The following FRMD4A variants were observed in gnomAD, a reference collection of about 807,000 sequenced individuals.
The protein encoded by FRMD4A is FERM domain-containing protein 4A.
In FRMD4A, 29 loss-of-function variants were observed where a neutral mutation model predicts 129.1. The ratio of observed to expected loss-of-function variants is 0.22; its 90% CI spans 0.17 to 0.31. The LOEUF (loss-of-function observed/expected upper bound fraction) is 0.31, where lower values mean the gene tolerates loss of function less well. Ranked by LOEUF, FRMD4A falls within the 10% of genes least tolerant of loss-of-function variation. The pLI, the probability that FRMD4A is intolerant of heterozygous loss-of-function variation, is 1.00. For missense variants in FRMD4A, 1,272 were observed against 1,375.8 expected (o/e 0.92, Z 1.19); for synonymous variants, 634 against 571.6 (o/e 1.11, Z -1.56).
Position 13,656,690 on chromosome 10 carries a change from A to C in FRMD4A, c.2899T>G (p.Phe967Val). Residue 967 changes from phenylalanine (F) to valine (V), a missense_variant, in exon 22 of 25, where the codon TTC becomes GTC. Coordinates refer to ENST00000357447, the MANE Select transcript of FRMD4A (RefSeq NM_018027.5). ...CTGGTGACCCTGCTGTGCGCCACGA[A>C]GGTGCTCTGGGAGGAGGTGCTGTAC... is the stretch of plus-strand genomic sequence containing the variant. ...SQYSTSSQST[F>V]VAHSRVTRMP... The C allele has an allele frequency of 6.4e-7, 1 of 1,564,974 alleles. No individual in the cohort carries two copies. Among genetic ancestry groups the C allele is most frequent in the Non-Finnish European group, 8.7e-7 (1 of 1,155,898 alleles).
At chr10:13,701,259 TC>T in intron 14 of FRMD4A, 80 bp downstream of exon 14, 1 of 1,351,992 alleles carries the variant, frequency 7.4e-7, no homozygotes, top group Non-Finnish European at 1.0e-6. Flanking sequence ...ACATGGCGCC[TC>T]CCCCACCCAT....
intron 2 of FRMD4A, among the ~76,000 whole-genome samples, chr10:14,279,521 T>G (rs1030824421): frequency 4.6e-5 from 7 of 152,096 alleles, no homozygotes; most frequent in Non-Finnish European, 7.4e-5. Context: ...TTTTTCAACT[T>G]TCATAAAACT....
At chr10:13,659,985 C>T (rs2082505048) in intron 20 of FRMD4A, among the ~76,000 whole-genome samples, 1 of 152,194 alleles carries the variant, frequency 6.6e-6, no homozygotes. Flanking sequence ...AACCACTCTG[C>T]ATTTGCTCCG....
rs10508466 is a variant in FRMD4A, at chr10:13,740,517, G to A, written c.609C>T (p.Ile203=). Reference sequence around the variant, plus strand: ...GCTGGGAAGGGGCCACTTACTTTACGATTGCTTGACCTCTTGTCTGACCGT... The same window carrying A: ...GCTGGGAAGGGGCCACTTACTTTACAATTGCTTGACCTCTTGTCTGACCGT... ...KLNGQTRGQA[I]VNYMSIVESL... Residue 203 remains isoleucine, a synonymous_variant, in exon 10 of 25, where the codon ATC becomes ATT. Coordinates refer to ENST00000357447, the MANE Select transcript of FRMD4A (RefSeq NM_018027.5). The A allele has an allele frequency of 0.012, 19,407 of 1,568,952 alleles. 195 individuals are homozygous for A. Among genetic ancestry groups the A allele is most frequent in the Non-Finnish European group, 0.013 (15,369 of 1,140,842 alleles).
chr10:14,038,040 A>AGGCC (rs967739953), intron 2 of FRMD4A, among the ~76,000 whole-genome samples: 2 of 152,196 alleles, frequency 1.3e-5, no homozygotes, highest in African/African-American at 4.8e-5. Flanking sequence ...AGGCAATTTA[A>AGGCC]GGCCGGTCGC....
chr10:14,275,832 A>C (rs1325114068), intron 2 of FRMD4A, among the ~76,000 whole-genome samples: 1 of 152,182 alleles, frequency 6.6e-6, no homozygotes, highest in Non-Finnish European at 1.5e-5. Context: ...TGAGTCCAGG[A>C]GTTCAAGACT....
Position 13,645,171 on chromosome 10 carries a change from T to C in FRMD4A, c.*1867A>G, listed in dbSNP as rs9473. 90,045 of 151,884 alleles carry C rather than the reference T, an allele frequency of 0.59. 26,939 individuals carry two copies. Among genetic ancestry groups the C allele is most frequent in the East Asian group, 0.85 (4,361 of 5,150 alleles). 9.4% of individuals were successfully genotyped at this position (151,884 alleles called of 1,614,324 possible). A position where few individuals can be genotyped will look rare whatever the true frequency, so the allele number is the denominator to read the frequency against. On this transcript the variant is annotated 3_prime_UTR_variant, in exon 25 of 25. Transcript: ENST00000357447. The stretch of plus-strand genomic sequence containing the variant: ...TCATTTTAGTGTCCATCCTTACCCT[T>C]CTGGTCTGGTAGAGCCTATGGTTAT...
chr10:14,197,714 C>T (rs1326185380), intron 2 of FRMD4A, among the ~76,000 whole-genome samples: 1 of 152,200 alleles, frequency 6.6e-6, no homozygotes, highest in East Asian at 1.9e-4. Flanking sequence ...TTATTTCATT[C>T]AATTGTCTTG....
chr10:13,866,198 T>C (rs1352315322), intron 2 of FRMD4A: 11 of 453,284 alleles, frequency 2.4e-5, no homozygotes, highest in Non-Finnish European at 2.9e-5. Context: ...TGCTATCCTT[T>C]AAAACTTAGT....
At chr10:13,685,280 T>C in intron 15 of FRMD4A, 14 of 985,370 alleles carry the variant, frequency 1.4e-5, no homozygotes, top group Non-Finnish European at 1.7e-5. Context: ...GCTGGGAGTC[T>C]CTGGAAGAGC....
chr10:13,743,801 A>C (rs1404575587), intron 9 of FRMD4A, among the ~76,000 whole-genome samples: 1 of 152,064 alleles, frequency 6.6e-6, no homozygotes, highest in Non-Finnish European at 1.5e-5. Context: ...CTCAATCCTG[A>C]CCGAGAACCT....
Position 13,714,022 on chromosome 10 carries a change from A to AATATATATTT in FRMD4A, c.760-6910_760-6909insAAATATATAT, listed in dbSNP as rs1491419875. Among the ~76,000 whole-genome samples, 21 of 19,546 alleles carry AATATATATTT rather than the reference A, an allele frequency of 1.1e-3. 6 individuals are homozygous for AATATATATTT. Among genetic ancestry groups the AATATATATTT allele is most frequent in the South Asian group, 3.3e-3 (2 of 608 alleles). The allele number at this position is 19,546 out of a possible 152,430, so 12.8% of individuals were successfully genotyped here. On this transcript the variant is annotated intron_variant, in intron 12 of 24. Transcript: ENST00000357447. ...TACATATATAATATACATATATAAA[A>AATATATATTT]TATACATATATATATATATATATAT... is the stretch of plus-strand genomic sequence containing the variant.
At chr10:13,651,408 T>TGAATGTAGATAGAACATGGTGAGTCTA (rs2081569102) in intron 24 of FRMD4A, 1 of 153,718 alleles carries the variant, frequency 6.5e-6, no homozygotes, top group African/African-American at 2.4e-5. Context: ...TACAAATCTT[T>TGAATGTAGATAGAACATGGTGAGTCTA]GAATGTAGAT....
At position 13,961,439 on chromosome 10, in the gene FRMD4A, C is replaced by T. The variant is rs528826807; in HGVS notation, c.46-102527G>A. 8.5e-5 allele frequency among the ~76,000 whole-genome samples: 13 copies of T among 152,260 alleles called. No homozygotes were observed. In the East Asian group the frequency reaches 2.3e-3, roughly 27 times the overall value. On this transcript the variant is annotated intron_variant, in intron 2 of 24. Coordinates refer to ENST00000357447, the MANE Select transcript of FRMD4A (RefSeq NM_018027.5). The stretch of plus-strand genomic sequence containing the variant: ...GTATGACAGTGCTTAGTAGAGAGGG[C>T]CAGTGGCCAAGCTGTATAGGCAACA...
In FRMD4A at chr10:13,753,952, T is replaced by C. The variant is rs2130665968; in HGVS notation, c.465-6133A>G. Among the ~76,000 whole-genome samples the C allele has an allele frequency of 1.3e-5, 2 of 152,352 alleles. 1 individual carries two copies. Among genetic ancestry groups the C allele is most frequent in the South Asian group, 4.1e-4 (2 of 4,822 alleles). The stretch of plus-strand genomic sequence containing the variant: ...AAATGAAGTTTTATGAATTTCTAAT[T>C]TATGTTAGGTATAAACATGTAAAAT... On this transcript the variant is annotated intron_variant, in intron 8 of 24. Transcript: ENST00000357447.
At chr10:14,240,697 T>C (rs1213167451) in intron 2 of FRMD4A, among the ~76,000 whole-genome samples, 1 of 152,172 alleles carries the variant, frequency 6.6e-6, no homozygotes, top group African/African-American at 2.4e-5. Context: ...TCGGAAGCTA[T>C]TGCACCTTCC....
At chr10:14,009,897 T>C in intron 2 of FRMD4A, among the ~76,000 whole-genome samples, 1 of 152,176 alleles carries the variant, frequency 6.6e-6, no homozygotes, top group East Asian at 1.9e-4. Context: ...TTTCTCTCTT[T>C]CTTGCTTCTT....
chr10:13,988,275 C>T (rs982041854), intron 2 of FRMD4A, among the ~76,000 whole-genome samples: 2 of 152,222 alleles, frequency 1.3e-5, no homozygotes, highest in South Asian at 4.1e-4. Context: ...TGTAGGACTT[C>T]GCAATTTGGC....
At chr10:13,957,138 C>T (rs1186691136) in intron 2 of FRMD4A, among the ~76,000 whole-genome samples, 1 of 152,216 alleles carries the variant, frequency 6.6e-6, no homozygotes, top group African/African-American at 2.4e-5. Context: ...GCTCCGACTC[C>T]GCAGAGCTAT....
Sources: allele counts gnomAD v4.1 joint callset (sites outside exome capture counted in the v4.1 genomes callset), GRCh38; gene constraint gnomAD v4.1.1; transcripts MANE v1.5; gene names NCBI Gene and HGNC (gene_info 2026-07-23, HGNC 2026-07-21).